TENM4: variants seen among roughly 807,000 people sequenced by gnomAD.
The protein encoded by TENM4 is teneurin transmembrane protein 4, also known as teneurin-4.
Under a neutral mutation model 243.3 loss-of-function variants are expected in TENM4, and 82 were observed. The observed-to-expected ratio is 0.34, with a 90% CI of 0.28 to 0.40. TENM4 has a LOEUF of 0.40. TENM4 is among the 10% of genes least tolerant of loss of function. The pLI, the probability that TENM4 is intolerant of heterozygous loss-of-function variation, is 1.00. For synonymous variants in TENM4, 1,412 were observed against 1,456.3 expected (o/e 0.97, Z 0.69); for missense variants, 3,138 against 3,673.3 (o/e 0.85, Z 3.77).
chr11:79,411,291 A>G (rs1000841973), intron 1 of TENM4, among the ~76,000 whole-genome samples: 1 of 152,190 alleles, frequency 6.6e-6, no homozygotes, highest in African/African-American at 2.4e-5. Flanking sequence ...ATGTGTAGCA[A>G]TATAAACCCT....
intron 8 of TENM4, among the ~76,000 whole-genome samples, chr11:78,890,323 T>C (rs1348934177): frequency 1.3e-5 from 2 of 152,216 alleles, no homozygotes; most frequent in Non-Finnish European, 2.9e-5. Context: ...GAGATCCTTT[T>C]CCTGGGAACG....
Position 78,702,233 on chromosome 11 carries a change from C to T in TENM4, c.4380G>A (p.Lys1460=), listed in dbSNP as rs61739472. 352 of 1,614,054 alleles carry T rather than the reference C, an allele frequency of 2.2e-4. 1 individual carries two copies. The African/African-American group carries it at 3.6e-3, about 16-fold the overall frequency. ...VPGIDHFLLS[K]VAIHATLESA... is the part of the protein sequence containing the mutation. Reference sequence around the variant, plus strand: ...ACTCCAGGGTTGCGTGGATGGCCACCTTGCTTAGCAGGAAGTGGTCAATGC... The same window carrying T: ...ACTCCAGGGTTGCGTGGATGGCCACTTTGCTTAGCAGGAAGTGGTCAATGC... The change falls in exon 28 of 34, where the codon AAG becomes AAA. Residue 1460 remains lysine, a synonymous_variant. Transcript: ENST00000278550.
intron 12 of TENM4, among the ~76,000 whole-genome samples, chr11:78,825,863 T>TA: frequency 6.6e-6 from 1 of 152,174 alleles, no homozygotes; most frequent in East Asian, 1.9e-4. Flanking sequence ...GAAATCAGTG[T>TA]AAAACACTCA....
chr11:79,291,353 A>C (rs1003809891), intron 2 of TENM4, among the ~76,000 whole-genome samples: 2 of 152,204 alleles, frequency 1.3e-5, no homozygotes, highest in African/African-American at 4.8e-5. Context: ...AAGGTTTGCA[A>C]ACAAGAGTAA....
intron 6 of TENM4, among the ~76,000 whole-genome samples, chr11:79,036,012 T>C (rs1859369288): frequency 6.6e-6 from 1 of 152,226 alleles, no homozygotes; most frequent in Admixed American, 6.5e-5. Flanking sequence ...ATCATCTTTT[T>C]AGTGTGTCTG....
chr11:78,697,783 A>G (rs993920519), intron 28 of TENM4, among the ~76,000 whole-genome samples: 7 of 152,118 alleles, frequency 4.6e-5, no homozygotes, highest in South Asian at 4.1e-4. Context: ...CCCTTCCCCT[A>G]TGAAATTCAG....
intron 1 of TENM4, among the ~76,000 whole-genome samples, chr11:79,353,012 G>A (rs1857440386): frequency 6.6e-6 from 1 of 152,154 alleles, no homozygotes; most frequent in Non-Finnish European, 1.5e-5. Context: ...GGCAAGGCTG[G>A]CAATTTATGA....
chr11:79,191,888 TG>T, intron 3 of TENM4: 1 of 170,578 alleles, frequency 5.9e-6, no homozygotes. Flanking sequence ...CCCCTCCGCC[TG>T]GCTGCCACCT....
chr11:79,150,301 A>G (rs1194590577), intron 3 of TENM4, among the ~76,000 whole-genome samples: 1 of 152,162 alleles, frequency 6.6e-6, no homozygotes, highest in Admixed American at 6.5e-5. Context: ...TGGCTCTCAA[A>G]TAAGCCTGGT....
At chr11:79,354,440 G>A (rs1280918283) in intron 1 of TENM4, among the ~76,000 whole-genome samples, 1 of 152,214 alleles carries the variant, frequency 6.6e-6, no homozygotes, top group Non-Finnish European at 1.5e-5. Context: ...TAACAAGGGA[G>A]AATGGATGTC....
intron 1 of TENM4, among the ~76,000 whole-genome samples, chr11:79,390,580 T>A (rs528844): frequency 0.51 from 76,893 of 151,656 alleles, 19,568 homozygotes; most frequent in East Asian, 0.55. Flanking sequence ...TAACCAAGAA[T>A]ACAGGGTCAG....
At chr11:79,048,931 C>T (rs917037899) in intron 6 of TENM4, among the ~76,000 whole-genome samples, 1 of 152,148 alleles carries the variant, frequency 6.6e-6, no homozygotes. Context: ...CTCAGGGGAC[C>T]TTAGGCATCA....
chr11:79,027,466 T>C (rs1460055748), intron 6 of TENM4, among the ~76,000 whole-genome samples: 2 of 152,210 alleles, frequency 1.3e-5, no homozygotes, highest in Non-Finnish European at 2.9e-5. Context: ...CTGAGAGCGA[T>C]GTAGGTTAGG....
At chr11:78,921,525 G>A (rs771176885) in intron 6 of TENM4, among the ~76,000 whole-genome samples, 15 of 152,194 alleles carry the variant, frequency 9.9e-5, no homozygotes, top group Non-Finnish European at 8.8e-5. Flanking sequence ...CTTCCTTCCT[G>A]ACTGTTCGTA....
chr11:79,061,056 G>GTT (rs1229832046), intron 6 of TENM4, among the ~76,000 whole-genome samples: 1 of 152,190 alleles, frequency 6.6e-6, no homozygotes, highest in Non-Finnish European at 1.5e-5. Context: ...AAGGAACCAA[G>GTT]ACTTTTGTCA....
chr11:78,815,196 G>A (rs748206018), intron 12 of TENM4, among the ~76,000 whole-genome samples: 1 of 152,110 alleles, frequency 6.6e-6, no homozygotes, highest in Non-Finnish European at 1.5e-5. Flanking sequence ...GACCAGCCTG[G>A]CCAACATGGT....
At chr11:79,164,995 G>A (rs377642898) in intron 3 of TENM4, among the ~76,000 whole-genome samples, 10 of 142,454 alleles carry the variant, frequency 7.0e-5, no homozygotes, top group South Asian at 2.3e-4. Context: ...GTGTGTGTGT[G>A]TATACATATA....
chr11:79,232,606 G>T (rs554640187), intron 2 of TENM4, among the ~76,000 whole-genome samples: 2 of 152,188 alleles, frequency 1.3e-5, no homozygotes, highest in African/African-American at 2.4e-5. Flanking sequence ...AAAACAATTC[G>T]CCATCCACAC....
chr11:79,437,124 C>T (rs1859287044), intron 1 of TENM4, among the ~76,000 whole-genome samples: 1 of 152,224 alleles, frequency 6.6e-6, no homozygotes, highest in Non-Finnish European at 1.5e-5. Context: ...AAGGGCTTCC[C>T]GTCAACACCC....
Sources: gnomAD v4.1 joint callset for allele counts (sites outside exome capture counted in the v4.1 genomes callset) on GRCh38, gnomAD v4.1.1 for gene constraint, MANE v1.5 for transcripts, NCBI Gene and HGNC (gene_info 2026-07-23, HGNC 2026-07-21) for gene names.